The following STPG2 variants were observed in gnomAD, a reference collection of about 807,000 sequenced individuals.
The protein encoded by STPG2 is sperm-tail PG-rich repeat-containing protein 2.
In STPG2, 56 loss-of-function variants were observed where a neutral mutation model predicts 54.2. That is an observed-to-expected ratio of 1.03 (90% CI 0.83 to 1.29). STPG2 has a LOEUF of 1.29. Among genes scored for constraint, STPG2 ranks in the 50% most tolerant of loss-of-function variants. STPG2 has a pLI of 0.00. For synonymous variants in STPG2, 200 were observed against 181.8 expected, an observed-to-expected ratio of 1.10 and a Z score of -0.81; for missense variants, 596 against 544.9, an observed-to-expected ratio of 1.09 and a Z score of -0.93.
At chr4:97,759,498 A>C (rs1342620202) in intron 9 of STPG2, among the ~76,000 whole-genome samples, 1 of 152,166 alleles carries the variant, frequency 6.6e-6, no homozygotes, top group African/African-American at 2.4e-5. Context: ...AATTGAACAG[A>C]AAGAGGAAAT....
chr4:97,808,720 A>G (rs1339006123), intron 9 of STPG2, among the ~76,000 whole-genome samples: 1 of 150,806 alleles, frequency 6.6e-6, no homozygotes, highest in Non-Finnish European at 1.5e-5. Flanking sequence ...CACAGAAACA[A>G]CAAAAGCACA....
intron 9 of STPG2, among the ~76,000 whole-genome samples, chr4:97,835,709 A>C (rs1024073700): frequency 6.6e-6 from 1 of 152,138 alleles, no homozygotes; most frequent in African/African-American, 2.4e-5. Context: ...GGCAAAGTAA[A>C]TTTAAAACCT....
chr4:97,961,474 A>C (rs1219215896), intron 7 of STPG2, among the ~76,000 whole-genome samples: 1 of 152,222 alleles, frequency 6.6e-6, no homozygotes, highest in African/African-American at 2.4e-5. Flanking sequence ...CAAAGGACTA[A>C]TATCCAGAAT....
At chr4:97,512,438 C>T (rs548750621) in intron 4 of STPG2, among the ~76,000 whole-genome samples, 10 of 152,164 alleles carry the variant, frequency 6.6e-5, no homozygotes, top group Admixed American at 6.5e-4. Context: ...GCATGGAATG[C>T]ATATGTAGCT....
At chr4:97,636,509 A>G (rs890237106) in intron 10 of STPG2, among the ~76,000 whole-genome samples, 40 of 147,820 alleles carry the variant, frequency 2.7e-4, no homozygotes, top group Non-Finnish European at 5.5e-4. Context: ...AACTGAAGGA[A>G]ATAGAGACAC....
At chr4:97,783,386 C>T (rs905781638) in intron 9 of STPG2, among the ~76,000 whole-genome samples, 3 of 152,190 alleles carry the variant, frequency 2.0e-5, no homozygotes, top group Non-Finnish European at 4.4e-5. Flanking sequence ...TAACATCTCA[C>T]ACCAGTTAGA....
At chr4:98,127,597 A>G (rs1326344638) in intron 3 of STPG2, among the ~76,000 whole-genome samples, 3 of 152,234 alleles carry the variant, frequency 2.0e-5, no homozygotes, top group Non-Finnish European at 4.4e-5. Context: ...TACTTCTTCT[A>G]CATCTCATTA....
intron 4 of STPG2, among the ~76,000 whole-genome samples, chr4:97,506,311 A>T (rs1024024927): frequency 9.9e-5 from 15 of 152,042 alleles, no homozygotes; most frequent in African/African-American, 3.6e-4. Flanking sequence ...AATAGGATCA[A>T]CAGTACAAAG....
intron 10 of STPG2, among the ~76,000 whole-genome samples, chr4:97,654,585 T>A (rs1031430226): frequency 6.6e-6 from 1 of 152,090 alleles, no homozygotes; most frequent in Non-Finnish European, 1.5e-5. Flanking sequence ...TAACCACATG[T>A]TTGTTCACTC....
At chr4:98,068,976 T>C (rs1156821718) in intron 5 of STPG2, among the ~76,000 whole-genome samples, 2 of 152,064 alleles carry the variant, frequency 1.3e-5, no homozygotes, top group Non-Finnish European at 2.9e-5. Context: ...GTGCAGTCCA[T>C]TGTTGACCAA....
At chr4:97,720,637 A>T (rs529093932) in intron 9 of STPG2, among the ~76,000 whole-genome samples, 1 of 151,586 alleles carries the variant, frequency 6.6e-6, no homozygotes. Context: ...AATTTAGGGA[A>T]TTTTTTTTTG....
rs546567182 is a variant in STPG2 at position 98,072,965 on chromosome 4, CAAT to C, written c.612+32985_612+32987del. Among the ~76,000 whole-genome samples the C allele has an allele frequency of 4.2e-3, 643 of 152,150 alleles. 4 individuals carry two copies. Among genetic ancestry groups the C allele is most frequent in the South Asian group, 0.024 (118 of 4,818 alleles). ...CAAGTAATCTCATTTGTAACGTGTA[CAAT>C]AATACCTCAAAAGACTGTTGTGAAG... On this transcript the variant is annotated intron_variant, in intron 5 of 10. Coordinates refer to ENST00000295268, the MANE Select transcript of STPG2 (RefSeq NM_174952.3).
At chr4:97,983,323 T>C (rs783970) in intron 5 of STPG2, among the ~76,000 whole-genome samples, 127,481 of 152,180 alleles carry the variant, frequency 0.84, 53,574 homozygotes, top group Middle Eastern at 0.94. Context: ...ATATGTGTTA[T>C]TTGACTATGT....
At chr4:97,538,547 A>G (rs1731599120) in intron 4 of STPG2, among the ~76,000 whole-genome samples, 1 of 152,250 alleles carries the variant, frequency 6.6e-6, no homozygotes, top group South Asian at 2.1e-4. Flanking sequence ...CTATGTGAAA[A>G]GACCAAATCT....
intron 5 of STPG2, among the ~76,000 whole-genome samples, chr4:98,099,533 G>T (rs1485672557): frequency 6.6e-6 from 1 of 152,056 alleles, no homozygotes; most frequent in African/African-American, 2.4e-5. Flanking sequence ...TAAATAGAAA[G>T]AATGAATAAG....
intron 8 of STPG2, among the ~76,000 whole-genome samples, chr4:97,883,398 GA>G (rs920353699): frequency 4.9e-5 from 7 of 143,990 alleles, no homozygotes; most frequent in South Asian, 2.2e-4. Flanking sequence ...AAATTTTTAA[GA>G]AAAAAAAAAT....
chr4:97,911,711 G>C (rs1301542333), intron 8 of STPG2, among the ~76,000 whole-genome samples: 4 of 152,136 alleles, frequency 2.6e-5, no homozygotes, highest in Non-Finnish European at 5.9e-5. Flanking sequence ...GCCCCTGGTG[G>C]GGAGAAGCGA....
At chr4:98,091,676 A>G (rs4699595) in intron 5 of STPG2, among the ~76,000 whole-genome samples, 60,105 of 150,722 alleles carry the variant, frequency 0.4, 12,149 homozygotes, top group Middle Eastern at 0.46. Context: ...CACAGCATAT[A>G]ATAGGTGTTC....
At chr4:97,875,997 G>A (rs1282335076) in intron 8 of STPG2, among the ~76,000 whole-genome samples, 1 of 151,892 alleles carries the variant, frequency 6.6e-6, no homozygotes, top group Admixed American at 6.6e-5. Context: ...AAAAATTTCA[G>A]GAAAATGAAA....
Sources: gnomAD v4.1 joint callset for allele counts (sites outside exome capture counted in the v4.1 genomes callset) on GRCh38, gnomAD v4.1.1 for gene constraint, MANE v1.5 for transcripts, NCBI Gene and HGNC (gene_info 2026-07-23, HGNC 2026-07-21) for gene names.